Variants in NTM observed in about 807,000 individuals in gnomAD.
NTM encodes the protein IgLON family member 2.
NTM carries 13 observed loss-of-function variants against 42.1 expected under a neutral mutation model. The ratio of observed to expected loss-of-function variants is 0.31; its 90% CI spans 0.20 to 0.49. NTM has a LOEUF of 0.49. Ranked by LOEUF, NTM falls within the 20% of genes least tolerant of loss-of-function variation. NTM has a pLI of 0.99. For synonymous variants in NTM, 187 were observed against 179.2 expected, an observed-to-expected ratio of 1.04 and a Z score of -0.35; for missense variants, 373 against 452.8, an observed-to-expected ratio of 0.82 and a Z score of 1.60.
intron 1 of NTM, among the ~76,000 whole-genome samples, chr11:131,414,975 G>C (rs1172135520): frequency 6.6e-6 from 1 of 152,138 alleles, no homozygotes; most frequent in Non-Finnish European, 1.5e-5. Flanking sequence ...CTCCCCACTT[G>C]CTTCTGACTC....
At chr11:131,756,172 G>A (rs980017608) in intron 1 of NTM, among the ~76,000 whole-genome samples, 1 of 152,188 alleles carries the variant, frequency 6.6e-6, no homozygotes, top group Non-Finnish European at 1.5e-5. Context: ...GGTAGGAAGG[G>A]GGAAGTCATG....
chr11:131,916,591 A>T (rs959412906), intron 2 of NTM, among the ~76,000 whole-genome samples: 8 of 152,240 alleles, frequency 5.3e-5, no homozygotes, highest in Admixed American at 2.6e-4. Flanking sequence ...CGCGGGAGTC[A>T]CCCTCTAGAT....
At chr11:131,905,874 C>T (rs1048202209) in intron 1 of NTM, among the ~76,000 whole-genome samples, 3 of 152,068 alleles carry the variant, frequency 2.0e-5, no homozygotes, top group Admixed American at 2.0e-4. Context: ...AGCTAGAGAA[C>T]CAAGATTGTG....
At chr11:131,434,816 G>T (rs564731666) in intron 1 of NTM, among the ~76,000 whole-genome samples, 1 of 152,222 alleles carries the variant, frequency 6.6e-6, no homozygotes, top group South Asian at 2.1e-4. Flanking sequence ...TGTCAATTTT[G>T]GCTTTTGTTG....
intron 3 of NTM, among the ~76,000 whole-genome samples, chr11:132,198,724 T>C (rs1010401985): frequency 6.6e-6 from 1 of 152,170 alleles, no homozygotes; most frequent in Non-Finnish European, 1.5e-5. Flanking sequence ...TCCATTCAGA[T>C]AGAGAGCAAT....
At chr11:131,513,988 C>T (rs1158791959) in intron 1 of NTM, among the ~76,000 whole-genome samples, 1 of 152,086 alleles carries the variant, frequency 6.6e-6, no homozygotes, top group Non-Finnish European at 1.5e-5. Flanking sequence ...TGGCTTCTGC[C>T]TCTGGAATTT....
chr11:131,961,333 G>T (rs1369124057), intron 2 of NTM, among the ~76,000 whole-genome samples: 1 of 152,132 alleles, frequency 6.6e-6, no homozygotes, highest in Non-Finnish European at 1.5e-5. Flanking sequence ...TGGAGTGGGA[G>T]GACATGAGGG....
Position 131,610,529 on chromosome 11 carries a change from C to A in NTM, c.82+239641C>A, listed in dbSNP as rs192545212. 2.6e-3 allele frequency among the ~76,000 whole-genome samples: 402 copies of A among 152,328 alleles called. 3 individuals carry two copies. Among genetic ancestry groups the A allele is most frequent in the African/African-American group, 9.5e-3 (394 of 41,572 alleles). On this transcript the variant is annotated intron_variant, in intron 1 of 8. Transcript: ENST00000683400. The stretch of plus-strand genomic sequence containing the variant: ...GAAGAAGACTGTTGTTCAGAAAGCT[C>A]TGCACCAGGAGCAAGGAGAGCTTGG...
intron 1 of NTM, among the ~76,000 whole-genome samples, chr11:131,587,488 G>T (rs978112926): frequency 1.3e-5 from 2 of 151,476 alleles, no homozygotes; most frequent in Admixed American, 1.3e-4. Flanking sequence ...CCATACTCTT[G>T]ACCACAAATT....
intron 7 of NTM, among the ~76,000 whole-genome samples, chr11:132,321,256 G>T (rs1252530337): frequency 6.6e-6 from 1 of 152,044 alleles, no homozygotes; most frequent in Non-Finnish European, 1.5e-5. Flanking sequence ...TCAAACCAAA[G>T]GCAAAGAAGT....
chr11:131,538,943 A>ATTTTTTTTTTTT (rs1189734867), intron 1 of NTM: 9 of 72,372 alleles, frequency 1.2e-4, no homozygotes, highest in Non-Finnish European at 1.6e-4. Flanking sequence ...TTTTTTTTTA[A>ATTTTTTTTTTTT]TTTTTTTGAG....
Position 131,824,200 on chromosome 11 carries a change from A to G in NTM, c.83-87364A>G, listed in dbSNP as rs148311846. ...GTGGGCATAACTTTACTTACAAGGAACAGCAAATTTTAACAACTCCTTGGT... is the reference window on the plus strand; with the variant it reads ...GTGGGCATAACTTTACTTACAAGGAGCAGCAAATTTTAACAACTCCTTGGT... On this transcript the variant is annotated intron_variant, in intron 1 of 8. Coordinates refer to ENST00000683400, the MANE Select transcript of NTM (RefSeq NM_001352005.2). Among the ~76,000 whole-genome samples, 813 of 152,342 alleles carry G rather than the reference A, an allele frequency of 5.3e-3. 15 individuals are homozygous for G. The highest frequency in any genetic ancestry group is 5.0e-3 in the Non-Finnish European group (338 of 68,026).
intron 1 of NTM, among the ~76,000 whole-genome samples, chr11:131,763,919 A>C (rs1303873724): frequency 6.6e-6 from 1 of 151,784 alleles, no homozygotes; most frequent in Non-Finnish European, 1.5e-5. Flanking sequence ...AGTTTTATTT[A>C]TCGTTTCCAT....
At chr11:131,767,468 A>T (rs991376593) in intron 1 of NTM, among the ~76,000 whole-genome samples, 1 of 152,196 alleles carries the variant, frequency 6.6e-6, no homozygotes. Flanking sequence ...TTGAAACCCT[A>T]ACCCAACCCC....
chr11:132,308,132 C>T (rs1451967811), intron 5 of NTM, among the ~76,000 whole-genome samples: 1 of 152,138 alleles, frequency 6.6e-6, no homozygotes. Flanking sequence ...TCTTCAAATC[C>T]AAAATTTTCC....
chr11:131,692,543 AAGAG>A (rs2074922250), intron 1 of NTM, among the ~76,000 whole-genome samples: 1 of 152,260 alleles, frequency 6.6e-6, no homozygotes, highest in South Asian at 2.1e-4. Flanking sequence ...CTGAGAGAGA[AAGAG>A]AGGGGATAGA....
Position 131,598,984 on chromosome 11 carries a change from G to A in NTM, c.82+228096G>A, listed in dbSNP as rs903006513. The stretch of plus-strand genomic sequence containing the variant: ...GGTAGAGTGCAATGGCACAATCTCA[G>A]CTCACTTCAACCTCTGCCTCCCAGG... On this transcript the variant is annotated intron_variant, in intron 1 of 8. Coordinates refer to ENST00000683400, the MANE Select transcript of NTM (RefSeq NM_001352005.2). Among the ~76,000 whole-genome samples the A allele has an allele frequency of 2.7e-5, 4 of 149,734 alleles. No homozygotes were observed. The South Asian group carries it at 8.4e-4, about 32-fold the overall frequency.
chr11:132,174,125 A>T (rs2076470532), intron 3 of NTM, among the ~76,000 whole-genome samples: 1 of 152,192 alleles, frequency 6.6e-6, no homozygotes, highest in Non-Finnish European at 1.5e-5. Context: ...TTATGTCTTA[A>T]TGATACTTAA....
chr11:131,684,171 T>G (rs775718259), intron 1 of NTM, among the ~76,000 whole-genome samples: 1 of 152,116 alleles, frequency 6.6e-6, no homozygotes, highest in East Asian at 1.9e-4. Flanking sequence ...CTCCTGTGTG[T>G]GGGGCTCTGA....
Sources: allele counts gnomAD v4.1 joint callset (sites outside exome capture counted in the v4.1 genomes callset), GRCh38; gene constraint gnomAD v4.1.1; transcripts MANE v1.5; gene names NCBI Gene and HGNC (gene_info 2026-07-23, HGNC 2026-07-21).